NKAIN2: variants seen among roughly 807,000 people sequenced by gnomAD.
NKAIN2 encodes sodium/potassium-transporting ATPase subunit beta-1-interacting protein 2.
A neutral mutation model predicts 32.6 loss-of-function variants in NKAIN2; 14 were observed. That is an observed-to-expected ratio of 0.43 (90% CI 0.28 to 0.67). The LOEUF (loss-of-function observed/expected upper bound fraction) is 0.67. NKAIN2 is among the 30% of genes least tolerant of loss of function. The probability of loss-of-function intolerance (pLI) is 0.17; values close to 1 mark genes in which losing one functional copy is unlikely to be tolerated. For missense variants in NKAIN2, 198 were observed against 258.3 expected, an observed-to-expected ratio of 0.77 and a Z score of 1.60; for synonymous variants, 80 against 87.2, an observed-to-expected ratio of 0.92 and a Z score of 0.46.
At chr6:124,600,119 C>A (rs899600359) in intron 3 of NKAIN2, among the ~76,000 whole-genome samples, 1 of 152,000 alleles carries the variant, frequency 6.6e-6, no homozygotes, top group Non-Finnish European at 1.5e-5. Context: ...TTCAGTGAAC[C>A]AAGCAGCTGC....
intron 5 of NKAIN2, among the ~76,000 whole-genome samples, chr6:124,815,242 G>GTATA (rs1562400501): frequency 1.2e-3 from 75 of 62,290 alleles, no homozygotes; most frequent in African/African-American, 3.1e-3. Context: ...ATATATATAT[G>GTATA]TATATATGTA....
intron 1 of NKAIN2, among the ~76,000 whole-genome samples, chr6:123,953,307 G>A (rs945982168): frequency 2.0e-5 from 3 of 152,136 alleles, no homozygotes; most frequent in Non-Finnish European, 4.4e-5. Context: ...CCAGGGTGGC[G>A]TATGTTGGCA....
At chr6:123,807,058 A>G (rs946872294) in intron 1 of NKAIN2, among the ~76,000 whole-genome samples, 1 of 152,030 alleles carries the variant, frequency 6.6e-6, no homozygotes, top group African/African-American at 2.4e-5. Context: ...GATTCTTCAG[A>G]GACATTTACC....
chr6:124,283,499 T>C (rs1795398991), intron 2 of NKAIN2, among the ~76,000 whole-genome samples: 1 of 152,224 alleles, frequency 6.6e-6, no homozygotes, highest in South Asian at 2.1e-4. Context: ...TCATATTTTA[T>C]ACATTGAATA....
chr6:124,304,167 G>C (rs1241165956), intron 2 of NKAIN2, among the ~76,000 whole-genome samples: 1 of 152,148 alleles, frequency 6.6e-6, no homozygotes, highest in African/African-American at 2.4e-5. Context: ...GATTTGTTTA[G>C]TCATCAGTAT....
At chr6:124,006,473 A>G (rs1190165682) in intron 1 of NKAIN2, among the ~76,000 whole-genome samples, 1 of 152,168 alleles carries the variant, frequency 6.6e-6, no homozygotes, top group African/African-American at 2.4e-5. Context: ...ACACACCTCA[A>G]ATCTAGCTTA....
At chr6:123,957,912 C>T (rs957263171) in intron 1 of NKAIN2, among the ~76,000 whole-genome samples, 6 of 152,066 alleles carry the variant, frequency 3.9e-5, no homozygotes, top group Non-Finnish European at 8.8e-5. Flanking sequence ...CAGTCAATCA[C>T]AATATTTAAT....
intron 3 of NKAIN2, among the ~76,000 whole-genome samples, chr6:124,409,426 G>T (rs192706563): frequency 0.021 from 3,157 of 152,086 alleles, 123 homozygotes; most frequent in African/African-American, 0.072. Flanking sequence ...TTTGTCAAAG[G>T]CCTTTTCTGC....
chr6:124,640,360 T>C (rs1783938322), intron 3 of NKAIN2, among the ~76,000 whole-genome samples: 1 of 152,148 alleles, frequency 6.6e-6, no homozygotes, highest in Admixed American at 6.6e-5. Flanking sequence ...CTTTTAAAAT[T>C]AGTAAAATTG....
chr6:124,704,520 T>C (rs1774953218), intron 4 of NKAIN2, among the ~76,000 whole-genome samples: 1 of 151,802 alleles, frequency 6.6e-6, no homozygotes, highest in African/African-American at 2.4e-5. Flanking sequence ...AAAAAACATG[T>C]TGGAGAAGAG....
chr6:124,307,294 A>T (rs1334917373), intron 2 of NKAIN2, among the ~76,000 whole-genome samples: 2 of 152,200 alleles, frequency 1.3e-5, no homozygotes, highest in Non-Finnish European at 2.9e-5. Flanking sequence ...AATAAAAGTG[A>T]AAATAGATAA....
At chr6:124,672,803 G>T (rs184005833) in intron 4 of NKAIN2, among the ~76,000 whole-genome samples, 9 of 152,088 alleles carry the variant, frequency 5.9e-5, no homozygotes. Context: ...CAGAGACAAA[G>T]GTTAGGCATC....
intron 1 of NKAIN2, among the ~76,000 whole-genome samples, chr6:123,925,533 C>G (rs1775968316): frequency 6.6e-6 from 1 of 152,166 alleles, no homozygotes; most frequent in African/African-American, 2.4e-5. Flanking sequence ...GTATAAGCCA[C>G]ACCACTTCCC....
chr6:124,014,474 A>G (rs1175584147), intron 1 of NKAIN2, among the ~76,000 whole-genome samples: 1 of 152,054 alleles, frequency 6.6e-6, no homozygotes, highest in East Asian at 1.9e-4. Flanking sequence ...AATGTCCTCA[A>G]TAAGACCTCT....
chr6:124,782,346 C>T (rs1416204369), intron 4 of NKAIN2, among the ~76,000 whole-genome samples: 2 of 152,158 alleles, frequency 1.3e-5, no homozygotes, highest in Non-Finnish European at 2.9e-5. Flanking sequence ...GTATATTCCA[C>T]ACTTTCCTTA....
chr6:123,883,697 G>A (rs145216834), intron 1 of NKAIN2, among the ~76,000 whole-genome samples: 1,800 of 146,500 alleles, frequency 0.012, 35 homozygotes, highest in African/African-American at 0.044. Context: ...AAAATTACCG[G>A]CCAGGCAATT....
intron 2 of NKAIN2, among the ~76,000 whole-genome samples, chr6:124,342,152 A>G (rs1205233010): frequency 1.3e-5 from 2 of 152,164 alleles, no homozygotes; most frequent in Non-Finnish European, 2.9e-5. Context: ...CTGTAATCCC[A>G]GCACTTTGGG....
chr6:123,910,499 G>GTTTTTTTTTTTTTTTTTTTTTTTT (rs35165515), intron 1 of NKAIN2, among the ~76,000 whole-genome samples: 4 of 81,318 alleles, frequency 4.9e-5, no homozygotes, highest in African/African-American at 2.0e-4. Flanking sequence ...TGCAATGCAT[G>GTTTTTTTTTTTTTTTTTTTTTTTT]TTTTTTTTTT....
At chr6:124,519,431 C>T (rs1411880974) in intron 3 of NKAIN2, among the ~76,000 whole-genome samples, 1 of 152,128 alleles carries the variant, frequency 6.6e-6, no homozygotes, top group African/African-American at 2.4e-5. Context: ...GAAAATAGCA[C>T]ACAAGAATTA....
Sources: allele counts gnomAD v4.1 joint callset (sites outside exome capture counted in the v4.1 genomes callset), GRCh38; gene constraint gnomAD v4.1.1; transcripts MANE v1.5; gene names NCBI Gene and HGNC (gene_info 2026-07-23, HGNC 2026-07-21).